Variants in SYTL3 observed in about 807,000 individuals in gnomAD.
The protein encoded by SYTL3 is synaptotagmin like 3.
Under a neutral mutation model 82.1 loss-of-function variants are expected in SYTL3, and 88 were observed. That is an observed-to-expected ratio of 1.07 (90% confidence interval 0.90 to 1.28). The LOEUF (loss-of-function observed/expected upper bound fraction) is 1.28, where lower values mean the gene tolerates loss of function less well. Ranked by LOEUF, SYTL3 falls within the 50% of genes most tolerant of loss-of-function variation. The pLI, the probability that SYTL3 is intolerant of heterozygous loss-of-function variation, is 0.00. For synonymous variants in SYTL3, 311 were observed against 289.4 expected (o/e 1.07, Z -0.76); for missense variants, 831 against 757.6 (o/e 1.10, Z -1.14).
intron 6 of SYTL3, among the ~76,000 whole-genome samples, chr6:158,696,210 T>A (rs1780539147): frequency 6.6e-6 from 1 of 151,106 alleles, no homozygotes; most frequent in Non-Finnish European, 1.5e-5. Flanking sequence ...TATTAACACT[T>A]TTTTTTTTGA....
rs116797717 is a variant in SYTL3 at position 158,693,721 on chromosome 6, T to C, written c.394+10732T>C. On this transcript the variant is annotated intron_variant, in intron 6 of 17. Transcript: ENST00000611299. ...GTTTTCTTTCTTTCTTTCTTTCTTTTTGGTAGAGACAGGGTTTTGCCGTGT... is the reference window on the plus strand; with the variant it reads ...GTTTTCTTTCTTTCTTTCTTTCTTTCTGGTAGAGACAGGGTTTTGCCGTGT... Among the ~76,000 whole-genome samples, 378 of 123,906 alleles carry C rather than the reference T, an allele frequency of 3.1e-3. 3 individuals carry two copies. Among genetic ancestry groups the C allele is most frequent in the African/African-American group, 0.018 (350 of 18,982 alleles). 81.3% of individuals were successfully genotyped at this position (123,906 alleles called of 152,430 possible).
At chr6:158,759,897 G>A (rs1789678451) in intron 14 of SYTL3, among the ~76,000 whole-genome samples, 1 of 151,782 alleles carries the variant, frequency 6.6e-6, no homozygotes, top group Non-Finnish European at 1.5e-5. Context: ...GTTTTTTTGT[G>A]ATTTTTTTTT....
intron 6 of SYTL3, 130 bp downstream of exon 6, chr6:158,683,119 A>G (rs913815141): frequency 3.2e-6 from 2 of 625,118 alleles, no homozygotes; most frequent in East Asian, 3.0e-5. Flanking sequence ...TTGCCATTCC[A>G]TTTGCTGATG....
At chr6:158,673,064 G>A (rs1202815971) in intron 5 of SYTL3, among the ~76,000 whole-genome samples, 1 of 151,986 alleles carries the variant, frequency 6.6e-6, no homozygotes, top group Non-Finnish European at 1.5e-5. Context: ...CCAAATAGCT[G>A]GGACTCCAAG....
upstream of SYTL3, among the ~76,000 whole-genome samples, chr6:158,649,458 A>T (rs1370672370): frequency 6.6e-6 from 1 of 152,252 alleles, no homozygotes; most frequent in African/African-American, 2.4e-5. Flanking sequence ...CCTACGTGGC[A>T]CGTGGCACCT....
chr6:158,694,656 T>A (rs1027653346), intron 6 of SYTL3, among the ~76,000 whole-genome samples: 1 of 152,216 alleles, frequency 6.6e-6, no homozygotes, highest in Non-Finnish European at 1.5e-5. Context: ...AACACAAAAA[T>A]TGAATTGATT....
At chr6:158,740,449 A>G (rs962264760) in intron 11 of SYTL3, among the ~76,000 whole-genome samples, 3 of 152,154 alleles carry the variant, frequency 2.0e-5, no homozygotes, top group South Asian at 4.1e-4. Context: ...TTTAAAGTTT[A>G]TATCTTTCAG....
In SYTL3 at chr6:158,718,192, C is replaced by T. The variant is rs1001349400; in HGVS notation, c.701C>T (p.Ala234Val). The T allele has an allele frequency of 2.3e-5, 35 of 1,537,404 alleles. No individual in the cohort carries two copies. Among genetic ancestry groups the T allele is most frequent in the Admixed American group, 4.0e-5 (2 of 49,766 alleles). Residue 234 changes from alanine to valine, a missense_variant, in exon 10 of 18, where the codon GCG (alanine) becomes GTG (valine). By Grantham distance (64) the Ala-to-Val change is moderately conservative (BLOSUM62 0). Coordinates refer to ENST00000611299, the MANE Select transcript of SYTL3 (RefSeq NM_001242394.2). ...QTERRSQSDT[A>V]VNVTTRKVSA... Reference sequence around the variant, plus strand: ...GAGAGACGGAGCCAGTCTGACACTGCGGTCAACGTCACCACCAGGGTACCC... The same window carrying T: ...GAGAGACGGAGCCAGTCTGACACTGTGGTCAACGTCACCACCAGGGTACCC...
At chr6:158,760,876 CTCT>C (rs1375394247) in intron 15 of SYTL3, 131 bp downstream of exon 15, 11 of 708,016 alleles carry the variant, frequency 1.6e-5, no homozygotes, top group Admixed American at 9.0e-5. Context: ...GCTCCAGCAG[CTCT>C]TCTTTCTGAG....
At chr6:158,721,301 G>A (rs1189022707) in intron 10 of SYTL3, among the ~76,000 whole-genome samples, 3 of 151,150 alleles carry the variant, frequency 2.0e-5, no homozygotes, top group East Asian at 4.0e-4. Context: ...CTGTAGTCTC[G>A]ATCTCGAAGG....
chr6:158,649,392 AAG>A (rs758411482), upstream of SYTL3, among the ~76,000 whole-genome samples: 3 of 152,356 alleles, frequency 2.0e-5, no homozygotes, highest in Non-Finnish European at 1.5e-5. Flanking sequence ...CATCAAGGGA[AAG>A]AGAAGGGAAA....
At chr6:158,647,516 G>A (rs181835596), upstream of SYTL3, among the ~76,000 whole-genome samples, 121 of 152,318 alleles carry the variant, frequency 7.9e-4, no homozygotes, top group Admixed American at 7.8e-3. Flanking sequence ...GTAAATAGGA[G>A]GGTTTGAATT....
At chr6:158,727,373 G>A (rs1010135242) in intron 11 of SYTL3, among the ~76,000 whole-genome samples, 2 of 151,718 alleles carry the variant, frequency 1.3e-5, no homozygotes, top group Non-Finnish European at 2.9e-5. Flanking sequence ...GTTTCACCAC[G>A]TTGGCCAGGC....
intron 11 of SYTL3, among the ~76,000 whole-genome samples, chr6:158,733,824 G>A (rs73595109): frequency 0.046 from 6,931 of 151,004 alleles, 525 homozygotes; most frequent in African/African-American, 0.16. Context: ...TTGGCCGGGC[G>A]CGGTGGCTCA....
In SYTL3 at chr6:158,717,080, G is replaced by T. The variant is rs141227123; in HGVS notation, c.596-1007G>T. Reference sequence around the variant, plus strand: ...GTGGATCTCTTGAGCTCAGGAGTTCGAGACCAGCCTGGCCAACATGGTGAA... The same window carrying T: ...GTGGATCTCTTGAGCTCAGGAGTTCTAGACCAGCCTGGCCAACATGGTGAA... On this transcript the variant is annotated intron_variant, in intron 9 of 17. Transcript: ENST00000611299. Among the ~76,000 whole-genome samples the T allele has an allele frequency of 7.2e-5, 11 of 152,186 alleles. No individual in the cohort carries two copies. In the East Asian group the frequency reaches 2.1e-3, roughly 29 times the overall value.
At position 158,764,754 on chromosome 6, in the gene SYTL3, A is replaced by G. The variant is rs184710590; in HGVS notation, c.*150A>G. On this transcript the variant is annotated 3_prime_UTR_variant, in exon 18 of 18. Transcript: ENST00000611299. ...GCCCTGTCCCATGGCTTAACCGCCTATTGGTATCTGTGTATATTTACGTTA... is the reference window on the plus strand; with the variant it reads ...GCCCTGTCCCATGGCTTAACCGCCTGTTGGTATCTGTGTATATTTACGTTA... 18 of 590,390 alleles carry G rather than the reference A, an allele frequency of 3.0e-5. No homozygotes were observed. The highest frequency in any genetic ancestry group is 1.1e-4 in the South Asian group (5 of 46,934). 36.6% of individuals were successfully genotyped at this position (590,390 alleles called of 1,614,324 possible).
At chr6:158,689,553 T>C (rs987298474) in intron 6 of SYTL3, among the ~76,000 whole-genome samples, 8 of 152,336 alleles carry the variant, frequency 5.3e-5, no homozygotes, top group Admixed American at 5.2e-4. Context: ...AAATCTCCTT[T>C]TCCCGTATAA....
chr6:158,752,792 A>C (rs1444266883), intron 13 of SYTL3, among the ~76,000 whole-genome samples: 2 of 152,190 alleles, frequency 1.3e-5, no homozygotes, highest in Non-Finnish European at 2.9e-5. Flanking sequence ...TTTCTTGGCA[A>C]GTAGGGGGTG....
intron 4 of SYTL3, among the ~76,000 whole-genome samples, chr6:158,664,042 A>G (rs1489311368): frequency 6.6e-6 from 1 of 152,170 alleles, no homozygotes; most frequent in Non-Finnish European, 1.5e-5. Flanking sequence ...CTTAGCTGTC[A>G]AGATCCATCT....
Sources: allele counts gnomAD v4.1 joint callset (sites outside exome capture counted in the v4.1 genomes callset), GRCh38; gene constraint gnomAD v4.1.1; transcripts MANE v1.5; gene names NCBI Gene and HGNC (gene_info 2026-07-23, HGNC 2026-07-21).